Variants in GUCA2A observed in about 807,000 individuals in gnomAD.
GUCA2A encodes the protein guanylin.
In GUCA2A, 17 loss-of-function variants were observed where a neutral mutation model predicts 11.2. The observed-to-expected ratio is 1.52, with a 90% CI of 1.04 to 2.28. The LOEUF (loss-of-function observed/expected upper bound fraction) is 2.28. Ranked by LOEUF, GUCA2A falls within the 30% of genes most tolerant of loss-of-function variation. GUCA2A has a pLI of 0.00. For synonymous variants in GUCA2A, 64 were observed against 57.1 expected (o/e 1.12, Z -0.54); for missense variants, 173 against 139.3 (o/e 1.24, Z -1.22).
Position 42,162,908 on chromosome 1 carries a change from A to G in GUCA2A, c.346T>C (p.Ter116GlnextTer48). ...AGGCAGGCAGTGGGCAAGCCCCCCT[A>G]GCATCCGGTACAGGCAGCGTAGGCA... ...ICAYAACTGC[*>Q] The change falls in exon 3 of 3, where the codon TAG (stop) becomes CAG (glutamine). Residue 116 changes from the stop codon to glutamine (Q), a stop_lost. Transcript: ENST00000357001. The G allele has an allele frequency of 6.2e-7, 1 of 1,612,682 alleles. No homozygotes were observed. Among genetic ancestry groups the G allele is most frequent in the Non-Finnish European group, 8.5e-7 (1 of 1,178,786 alleles).
intron 2 of GUCA2A, 103 bp from the exon 3 acceptor site, chr1:42,163,073 T>A: frequency 1.1e-6 from 1 of 930,798 alleles, no homozygotes; most frequent in African/African-American, 1.6e-5. Flanking sequence ...CCCAGGAGAA[T>A]CTCAGCAGGC....
chr1:42,164,407 C>T (rs950194349), intron 1 of GUCA2A, among the ~76,000 whole-genome samples: 1 of 152,218 alleles, frequency 6.6e-6, no homozygotes, highest in Admixed American at 6.5e-5. Flanking sequence ...GGCCAACTCC[C>T]CGCCTTCCCC....
chr1:42,163,978 T>A (rs1473103674), intron 1 of GUCA2A, among the ~76,000 whole-genome samples: 1 of 152,212 alleles, frequency 6.6e-6, no homozygotes, highest in African/African-American at 2.4e-5. Context: ...GCCCAGGCTG[T>A]CTTTCCCCTG....
At chr1:42,163,760 G>T in intron 1 of GUCA2A, 150 bp from the exon 2 acceptor site, 2 of 616,902 alleles carry the variant, frequency 3.2e-6, no homozygotes, top group Non-Finnish European at 5.7e-6. Context: ...GCACTGTGAG[G>T]GGCAGAGTTC....
intron 1 of GUCA2A, 23 bp from the exon 2 acceptor site, chr1:42,163,633 A>C: frequency 2.6e-6 from 4 of 1,542,344 alleles, no homozygotes; most frequent in Non-Finnish European, 1.8e-6. Context: ...AGCCCAGAGC[A>C]TGAGGCCAGG....
intron 1 of GUCA2A, among the ~76,000 whole-genome samples, chr1:42,163,881 AG>A (rs1014874335): frequency 1.3e-5 from 2 of 152,252 alleles, no homozygotes; most frequent in African/African-American, 4.8e-5. Context: ...GGAACACCAT[AG>A]GTGCCTAATG....
chr1:42,163,679 G>A, intron 1 of GUCA2A, 69 bp from the exon 2 acceptor site: 1 of 1,086,684 alleles, frequency 9.2e-7, no homozygotes, highest in Non-Finnish European at 1.4e-6. Flanking sequence ...CCCCGTGCTG[G>A]CCCCGGTCCA....
chr1:42,163,418 T>TTGGG lies in GUCA2A; in HGVS notation c.267_268insCCCA (p.Ile90ProfsTer11), dbSNP rs751313912. On this transcript the variant is annotated frameshift_variant, in exon 2 of 3. Transcript: ENST00000357001. LOFTEE classifies it high-confidence loss of function. ...GGCTGCTCACCCAGCCTCTGAAGTA[T>TTGGG]CTCCTGGGCATTGGGCTCCTTGCAG... 1.2e-6 allele frequency: 2 copies of TTGGG among 1,611,382 alleles called. No homozygotes were observed. The highest frequency in any genetic ancestry group is 2.2e-5 in the South Asian group (2 of 90,968).
chr1:42,164,525 C>T, intron 1 of GUCA2A, 113 bp downstream of exon 1: 1 of 666,266 alleles, frequency 1.5e-6, no homozygotes, highest in Non-Finnish European at 2.7e-6. Flanking sequence ...AAGGCCAAGC[C>T]TGGGACACAC....
chr1:42,162,709 T>C lies in GUCA2A; in HGVS notation c.*197A>G, dbSNP rs574770870. On this transcript the variant is annotated 3_prime_UTR_variant, in exon 3 of 3. Coordinates refer to ENST00000357001, the MANE Select transcript of GUCA2A (RefSeq NM_033553.3). The stretch of plus-strand genomic sequence containing the variant: ...CCAGAGTACTCTGGAATCTGGTTTA[T>C]TAGCTGGGGGTTGAAGTGGCAGGGA... 5.9e-5 allele frequency: 35 copies of C among 597,032 alleles called. No homozygotes were observed. The highest frequency in any genetic ancestry group is 2.2e-4 in the South Asian group (11 of 50,762). 37.0% of individuals were successfully genotyped at this position (597,032 alleles called of 1,614,324 possible). A position where few individuals can be genotyped will look rare whatever the true frequency, so the allele number is the denominator to read the frequency against.
In GUCA2A at chr1:42,163,551, G is replaced by A. The variant is rs767582185; in HGVS notation, c.135C>T (p.Pro45=). Residue 45 remains proline, a synonymous_variant, in exon 2 of 3, where the codon CCC becomes CCT. Transcript: ENST00000357001. The part of the protein sequence containing the change: ...SVKKLKDLQE[P]QEPRVGKLRN... The stretch of plus-strand genomic sequence containing the variant: ...TGAGTTTCCCAACCCTGGGCTCCTG[G>A]GGCTCCTGGAGGTCTTTGAGCTTCT... The A allele has an allele frequency of 5.0e-6, 8 of 1,613,788 alleles. No homozygotes were observed. The highest frequency in any genetic ancestry group is 6.8e-6 in the Non-Finnish European group (8 of 1,179,830).
Position 42,163,476 on chromosome 1 carries a change from G to A in GUCA2A, c.210C>T (p.Ser70=), listed in dbSNP as rs754371472. 1.4e-5 allele frequency: 22 copies of A among 1,613,780 alleles called. No individual in the cohort carries two copies. The highest frequency in any genetic ancestry group is 1.8e-5 in the Non-Finnish European group (21 of 1,179,630). Residue 70 remains serine, a synonymous_variant, in exon 2 of 3, where the codon AGC becomes AGT. Transcript: ENST00000357001. The stretch of plus-strand genomic sequence containing the variant: ...TGAGTTCTTCTGGAAAGTTCGGGTT[G>A]CTACAGAGGATGGGAACCACAGGTT... The part of the protein sequence containing the change: ...PGEPVVPILC[S]NPNFPEELKP...
chr1:42,162,961 G>A lies in GUCA2A; in HGVS notation c.293C>T (p.Ala98Val). 1 of 1,613,618 alleles carries A rather than the reference G, an allele frequency of 6.2e-7. No homozygotes were observed. Among genetic ancestry groups the A allele is most frequent in the Non-Finnish European group, 8.5e-7 (1 of 1,179,586 alleles). Residue 98 changes from alanine (A) to valine (V), a missense_variant, in exon 3 of 3, where the codon GCT becomes GTT. Physicochemically the swap from Ala to Val is moderately conservative, Grantham distance 64 (BLOSUM62 0). Coordinates refer to ENST00000357001, the MANE Select transcript of GUCA2A (RefSeq NM_033553.3). Reference protein sequence around the residue: ...QEILQRLEEIAEDPGTCEICA... With the variant: ...QEILQRLEEIVEDPGTCEICA... ...GATTTCACATGTGCCCGGGTCCTCAGCGATTTCCTCTGCACAACAGAGATG... is the reference window on the plus strand; with the variant it reads ...GATTTCACATGTGCCCGGGTCCTCAACGATTTCCTCTGCACAACAGAGATG...
intron 1 of GUCA2A, among the ~76,000 whole-genome samples, chr1:42,164,128 G>T (rs1201052814): frequency 6.6e-6 from 1 of 152,234 alleles, no homozygotes; most frequent in African/African-American, 2.4e-5. Context: ...TTGGCCTGTC[G>T]CCAGCATTGG....
intron 2 of GUCA2A, among the ~76,000 whole-genome samples, 154 bp from the exon 3 acceptor site, chr1:42,163,124 C>A (rs924902336): frequency 5.3e-5 from 8 of 152,150 alleles, no homozygotes; most frequent in Admixed American, 1.3e-4. Context: ...CAAACCAGGG[C>A]ACACAGACCA....
intron 1 of GUCA2A, 58 bp from the exon 2 acceptor site, chr1:42,163,668 C>T: frequency 8.0e-7 from 1 of 1,250,168 alleles, no homozygotes; most frequent in African/African-American, 1.5e-5. Flanking sequence ...CTGGCTGTGC[C>T]CCCCGTGCTG....
chr1:42,162,864 CT>C lies in GUCA2A; in HGVS notation c.*41del. On this transcript the variant is annotated 3_prime_UTR_variant, in exon 3 of 3. Transcript: ENST00000357001. ...TGGCCCTTTCTGCAGGAGAAAAGAG[CT>C]TCCCTGCTGCGGAGGGGAGGCAGGC... 5 of 1,522,770 alleles carry C rather than the reference CT, an allele frequency of 3.3e-6. No homozygotes were observed. Among genetic ancestry groups the C allele is most frequent in the Non-Finnish European group, 4.6e-6 (5 of 1,097,260 alleles). 94.3% of individuals were successfully genotyped at this position (1,522,770 alleles called of 1,614,324 possible). A position where few individuals can be genotyped will look rare whatever the true frequency, so the allele number is the denominator to read the frequency against.
intron 1 of GUCA2A, among the ~76,000 whole-genome samples, chr1:42,163,820 G>A (rs557255666): frequency 6.6e-6 from 1 of 152,312 alleles, no homozygotes; most frequent in African/African-American, 2.4e-5. Flanking sequence ...TCTGGAACCC[G>A]CAAATTCTGC....
At chr1:42,163,730 G>T in intron 1 of GUCA2A, 120 bp from the exon 2 acceptor site, 1 of 660,354 alleles carries the variant, frequency 1.5e-6, no homozygotes, top group Non-Finnish European at 2.6e-6. Flanking sequence ...GCATATGGGA[G>T]CCAGGCGATC....
Sources: allele counts gnomAD v4.1 joint callset (sites outside exome capture counted in the v4.1 genomes callset), GRCh38; gene constraint gnomAD v4.1.1; transcripts MANE v1.5; gene names NCBI Gene and HGNC (gene_info 2026-07-23, HGNC 2026-07-21).